The following ABCA10 variants were observed in gnomAD, a reference collection of about 807,000 sequenced individuals.
The protein encoded by ABCA10 is ATP binding cassette subfamily A member 10.
A neutral mutation model predicts 187.5 loss-of-function variants in ABCA10; 169 were observed. The ratio of observed to expected loss-of-function variants is 0.90; its 90% confidence interval spans 0.80 to 1.02. The LOEUF (loss-of-function observed/expected upper bound fraction) is 1.02, where lower values mean the gene tolerates loss of function less well. Among genes scored for constraint, ABCA10 ranks in the 50% least tolerant of loss-of-function variants. The pLI, the probability that ABCA10 is intolerant of heterozygous loss-of-function variation, is 0.00. For missense variants in ABCA10, 1,727 were observed against 1,812.4 expected, an observed-to-expected ratio of 0.95 and a Z score of 0.86; for synonymous variants, 574 against 601.8, an observed-to-expected ratio of 0.95 and a Z score of 0.68.
At chr17:69,229,311 AATAGTAT>A (rs2074815609), upstream of ABCA10, among the ~76,000 whole-genome samples, 1 of 152,056 alleles carries the variant, frequency 6.6e-6, no homozygotes. Context: ...ATGAGTCCAG[AATAGTAT>A]CTGGACTCCA....
rs1370201602 is a variant in ABCA10, at chr17:69,148,885, A to G, written c.4574T>C (p.Val1525Ala). 1.2e-6 allele frequency: 2 copies of G among 1,613,634 alleles called. No homozygotes were observed. The highest frequency in any genetic ancestry group is 3.3e-5 in the Admixed American group (2 of 59,972). Reference sequence around the variant, plus strand: ...AACTGTTGTATCAATTTTATCATCAACATTTCCCAGCTCCTGCTCTTTACA... The same window carrying G: ...AACTGTTGTATCAATTTTATCATCAGCATTTCCCAGCTCCTGCTCTTTACA... ...ELCKEQELGN[V>A]DDKIDTTVEW... The change falls in exon 39 of 39, where the codon GTT becomes GCT. Residue 1525 changes from valine to alanine, a missense_variant. Physicochemically the swap from Val to Ala is moderately conservative, Grantham distance 64. Transcript: ENST00000690296.
chr17:69,187,960 T>A, intron 18 of ABCA10, 81 bp from the exon 19 acceptor site: 1 of 1,280,052 alleles, frequency 7.8e-7, no homozygotes, highest in Non-Finnish European at 1.1e-6. Context: ...GATGTTAGAC[T>A]ATTTGAAACA....
At chr17:69,202,294 G>A (rs1243980922) in intron 9 of ABCA10, among the ~76,000 whole-genome samples, 1 of 152,072 alleles carries the variant, frequency 6.6e-6, no homozygotes, top group African/African-American at 2.4e-5. Context: ...AGCTGATCCT[G>A]CCATAGCATA....
intron 12 of ABCA10, 33 bp downstream of exon 12, chr17:69,194,352 C>T (rs973588909): frequency 1.3e-6 from 2 of 1,564,296 alleles, no homozygotes; most frequent in Non-Finnish European, 1.8e-6. Flanking sequence ...CTTGCTTTTT[C>T]AGCCAACTTA....
intron 6 of ABCA10, among the ~76,000 whole-genome samples, chr17:69,219,282 T>C (rs1352023279): frequency 1.3e-5 from 2 of 152,158 alleles, no homozygotes; most frequent in Admixed American, 6.5e-5. Context: ...TAATTGCTGC[T>C]TGAGGTCGTG....
chr17:69,152,410 G>A lies in ABCA10; in HGVS notation c.4208C>T (p.Ala1403Val), dbSNP rs1270310247. ...GGCCATACGGTCACACACAGCCTCA[G>A]CCTCTGACATGTAATGGGTGGTCAA... is the stretch of plus-strand genomic sequence containing the variant. ...TLLTTHYMSE[A>V]EAVCDRMAMM... Residue 1403 changes from alanine (A) to valine (V), a missense_variant, in exon 35 of 39, where the codon GCT becomes GTT. By Grantham distance (64) the Ala-to-Val change is moderately conservative. Transcript: ENST00000690296. 8.7e-6 allele frequency: 14 copies of A among 1,614,022 alleles called. No individual in the cohort carries two copies. The highest frequency in any genetic ancestry group is 1.2e-5 in the Non-Finnish European group (14 of 1,179,964).
chr17:69,154,968 C>G, intron 30 of ABCA10, 51 bp downstream of exon 30: 1 of 1,361,812 alleles, frequency 7.3e-7, no homozygotes, highest in South Asian at 1.3e-5. Flanking sequence ...AGTCTTAAAT[C>G]TAGAGAATAA....
chr17:69,177,969 A>T (rs1459082732), intron 22 of ABCA10, among the ~76,000 whole-genome samples: 4,953 of 54,012 alleles, frequency 0.092, 418 homozygotes, highest in African/African-American at 0.17. Flanking sequence ...AAAAAAAAAA[A>T]AAAAATATAT....
intron 23 of ABCA10, among the ~76,000 whole-genome samples, chr17:69,175,160 C>A (rs1333538125): frequency 6.6e-6 from 1 of 152,152 alleles, no homozygotes; most frequent in Non-Finnish European, 1.5e-5. Flanking sequence ...AGTACCACAT[C>A]TTCATCCCTG....
At chr17:69,217,888 GAGAA>G (rs2074718198) in intron 6 of ABCA10, among the ~76,000 whole-genome samples, 1 of 151,972 alleles carries the variant, frequency 6.6e-6, no homozygotes, top group Non-Finnish European at 1.5e-5. Flanking sequence ...TTGAAAAGAG[GAGAA>G]AGAGCTTGTC....
At chr17:69,157,122 G>A (rs1241263612) in intron 27 of ABCA10, among the ~76,000 whole-genome samples, 199 bp from the exon 28 acceptor site, 1 of 151,962 alleles carries the variant, frequency 6.6e-6, no homozygotes, top group Non-Finnish European at 1.5e-5. Context: ...CTCCCACTGA[G>A]AAAGAATTAA....
At chr17:69,216,110 T>C (rs1014140395) in intron 7 of ABCA10, 107 bp downstream of exon 7, 2 of 1,545,670 alleles carry the variant, frequency 1.3e-6, no homozygotes, top group African/African-American at 2.8e-5. Context: ...ATATAGAAAA[T>C]AGGATAGAAA....
At chr17:69,191,689 C>G (rs1404798215) in intron 16 of ABCA10, among the ~76,000 whole-genome samples, 1 of 151,996 alleles carries the variant, frequency 6.6e-6, no homozygotes, top group Non-Finnish European at 1.5e-5. Flanking sequence ...ATAAAACTAT[C>G]ATTATTGTGC....
rs560945647 is a variant in ABCA10, at chr17:69,221,943, C to T, written c.200-48G>A. 24 of 1,386,714 alleles carry T rather than the reference C, an allele frequency of 1.7e-5. No homozygotes were observed. The East Asian group carries it at 5.4e-4, about 31-fold the overall frequency. 85.9% of individuals were successfully genotyped at this position (1,386,714 alleles called of 1,614,324 possible). A position where few individuals can be genotyped will look rare whatever the true frequency, so the allele number is the denominator to read the frequency against. On this transcript the variant is annotated intron_variant, in intron 4 of 38. Transcript: ENST00000690296. ...GTCCATAGTTATATAATGGAGTCAA[C>T]TCCTGGAATTAAAACTTTAACTTTG...
intron 9 of ABCA10, among the ~76,000 whole-genome samples, chr17:69,202,692 T>A (rs1448674417): frequency 6.6e-6 from 1 of 152,188 alleles, no homozygotes; most frequent in Non-Finnish European, 1.5e-5. Flanking sequence ...TATACAGGGA[T>A]CTTTATCAAG....
At position 69,148,660 on chromosome 17, in the gene ABCA10, C is replaced by T. The variant is rs1004543061; in HGVS notation, c.*167G>A. On this transcript the variant is annotated 3_prime_UTR_variant, in exon 39 of 39. Transcript: ENST00000690296. ...TTGTCTACTACTTTTCCCTATATTTCCTTGTTTCCTTCATCCTAAATTTTT... is the reference window on the plus strand; with the variant it reads ...TTGTCTACTACTTTTCCCTATATTTTCTTGTTTCCTTCATCCTAAATTTTT... The T allele has an allele frequency of 1.6e-6, 1 of 612,938 alleles. No individual in the cohort carries two copies. The highest frequency in any genetic ancestry group is 1.9e-5 in the African/African-American group (1 of 53,582). 38.0% of individuals were successfully genotyped at this position (612,938 alleles called of 1,614,324 possible).
intron 10 of ABCA10, 49 bp from the exon 11 acceptor site, chr17:69,197,171 A>G (rs552268031): frequency 7.2e-7 from 1 of 1,390,460 alleles, no homozygotes; most frequent in South Asian, 1.2e-5. Flanking sequence ...TCTAGTATTA[A>G]TAACACAGAT....
At chr17:69,163,018 G>C (rs929195374) in intron 27 of ABCA10, among the ~76,000 whole-genome samples, 2 of 151,806 alleles carry the variant, frequency 1.3e-5, no homozygotes, top group Non-Finnish European at 2.9e-5. Flanking sequence ...TTGTATTTTT[G>C]TAGAGATGCG....
intron 22 of ABCA10, among the ~76,000 whole-genome samples, chr17:69,178,372 G>A (rs745898847): frequency 5.3e-5 from 8 of 152,140 alleles, no homozygotes; most frequent in Non-Finnish European, 1.0e-4. Flanking sequence ...ACTCTTCTAT[G>A]CTAGTGGTTC....
Sources: gnomAD v4.1 joint callset for allele counts (sites outside exome capture counted in the v4.1 genomes callset) on GRCh38, gnomAD v4.1.1 for gene constraint, MANE v1.5 for transcripts, NCBI Gene and HGNC (gene_info 2026-07-23, HGNC 2026-07-21) for gene names.